The following HEBP2 variants were observed in gnomAD, a reference collection of about 807,000 sequenced individuals.
The protein encoded by HEBP2 is heme-binding protein 2.
A neutral mutation model predicts 23.1 loss-of-function variants in HEBP2; 27 were observed. The observed-to-expected ratio is 1.17, with a 90% CI of 0.86 to 1.61. The LOEUF is 1.61. Among genes scored for constraint, HEBP2 ranks in the 40% most tolerant of loss-of-function variants. The probability of loss-of-function intolerance (pLI) is 0.00; values close to 1 mark genes in which losing one functional copy is unlikely to be tolerated. For missense variants in HEBP2, 245 were observed against 253.8 expected (o/e 0.97, Z 0.24); for synonymous variants, 99 against 95.1 (o/e 1.04, Z -0.24).
In HEBP2 at chr6:138,405,156, T is replaced by C. The variant is rs1403742525; in HGVS notation, c.114T>C (p.Tyr38=). The C allele has an allele frequency of 4.3e-6, 7 of 1,611,166 alleles. No individual in the cohort carries two copies. Among genetic ancestry groups the C allele is most frequent in the Admixed American group, 1.7e-5 (1 of 59,132 alleles). ...PEDAGPQPGS[Y]EIRHYGPAKW... Reference sequence around the variant, plus strand: ...CTGTTCCACTTTAGCCCGGAAGTTATGAGATCCGACACTATGGACCAGCCA... The same window carrying C: ...CTGTTCCACTTTAGCCCGGAAGTTACGAGATCCGACACTATGGACCAGCCA... Residue 38 remains tyrosine, a synonymous_variant, in exon 2 of 4, where the codon TAT becomes TAC. Coordinates refer to ENST00000607197, the MANE Select transcript of HEBP2 (RefSeq NM_014320.3).
chr6:138,406,643 G>A (rs1285219569), intron 3 of HEBP2, among the ~76,000 whole-genome samples: 1 of 152,170 alleles, frequency 6.6e-6, no homozygotes. Context: ...CTCATGTGGT[G>A]GAAGAGGCAA....
At position 138,413,155 on chromosome 6, in the gene HEBP2, G is replaced by A; in HGVS notation, c.*77G>A. The A allele has an allele frequency of 9.0e-7, 1 of 1,113,556 alleles. No homozygotes were observed. Among genetic ancestry groups the A allele is most frequent in the Non-Finnish European group, 1.3e-6 (1 of 742,666 alleles). 69.0% of individuals were successfully genotyped at this position (1,113,556 alleles called of 1,614,324 possible). Reference sequence around the variant, plus strand: ...GACATCAACATGACCTATAAGTAAAGTGCGTGTCTAGTGTCTTCTATTGAG... The same window carrying A: ...GACATCAACATGACCTATAAGTAAAATGCGTGTCTAGTGTCTTCTATTGAG... On this transcript the variant is annotated 3_prime_UTR_variant, in exon 4 of 4. Transcript: ENST00000607197.
In HEBP2 at chr6:138,416,584, G is replaced by A. The variant is rs1774845745; in HGVS notation, c.*3506G>A. The A allele has an allele frequency of 6.6e-6, 1 of 152,324 alleles. No homozygotes were observed. The highest frequency in any genetic ancestry group is 6.5e-5 in the Admixed American group (1 of 15,292). 9.4% of individuals were successfully genotyped at this position (152,324 alleles called of 1,614,324 possible). On this transcript the variant is annotated 3_prime_UTR_variant, in exon 4 of 4. Transcript: ENST00000607197. Reference sequence around the variant, plus strand: ...AACTTCACTTGCTGAGAGCAATGTGGATGATGATGAGACCTTGAAGAGCCC... The same window carrying A: ...AACTTCACTTGCTGAGAGCAATGTGAATGATGATGAGACCTTGAAGAGCCC...
In HEBP2 at chr6:138,413,007, G is replaced by A. The variant is rs754888558; in HGVS notation, c.547G>A (p.Val183Ile). The stretch of plus-strand genomic sequence containing the variant: ...CTACACTGCAGGCTACAACAGTCCT[G>A]TCAAATTGCTTAATAGAAATAATGA... ...VYYTAGYNSPVKLLNRNNEVW... is the reference protein window; with the variant it reads ...VYYTAGYNSPIKLLNRNNEVW... Residue 183 changes from valine to isoleucine, a missense_variant, in exon 4 of 4, where the codon GTC becomes ATC. By Grantham distance (29) the Val-to-Ile change is conservative. Transcript: ENST00000607197. The A allele has an allele frequency of 5.6e-6, 9 of 1,613,896 alleles. No individual in the cohort carries two copies. In the East Asian group the frequency reaches 1.6e-4, roughly 28 times the overall value.
chr6:138,415,691 G>C lies in HEBP2; in HGVS notation c.*2613G>C, dbSNP rs1034073640. On this transcript the variant is annotated 3_prime_UTR_variant, in exon 4 of 4. Coordinates refer to ENST00000607197, the MANE Select transcript of HEBP2 (RefSeq NM_014320.3). ...CCAAGCACAGGATTTGATGGTAAAA[G>C]TAGCTAACAGCCAACAAATACTCAA... 6.6e-6 allele frequency: 1 copy of C among 152,182 alleles called. No homozygotes were observed. Among genetic ancestry groups the C allele is most frequent in the Non-Finnish European group, 1.5e-5 (1 of 68,038 alleles). The allele number at this position is 152,182 out of a possible 1,614,324, so 9.4% of individuals were successfully genotyped here.
In HEBP2 at chr6:138,415,579, CAAAA is replaced by C. The variant is rs904204723; in HGVS notation, c.*2502_*2505del. ...TGAAAAGCTGAGGTCAATTAACAAA[CAAAA>C]CTAAGTGTGAGCCGCAGAGTCTCTG... On this transcript the variant is annotated 3_prime_UTR_variant, in exon 4 of 4. Transcript: ENST00000607197. 2.0e-5 allele frequency: 3 copies of C among 152,066 alleles called. No homozygotes were observed. Among genetic ancestry groups the C allele is most frequent in the African/African-American group, 4.8e-5 (2 of 41,366 alleles). 9.4% of individuals were successfully genotyped at this position (152,066 alleles called of 1,614,324 possible). A position where few individuals can be genotyped will look rare whatever the true frequency, so the allele number is the denominator to read the frequency against.
At chr6:138,412,756 G>A in intron 3 of HEBP2, 124 bp from the exon 4 acceptor site, 1 of 804,476 alleles carries the variant, frequency 1.2e-6, no homozygotes, top group Non-Finnish European at 2.0e-6. Context: ...GCCTGGCCGA[G>A]AGGGAGTAAC....
chr6:138,413,346 C>G lies in HEBP2; in HGVS notation c.*268C>G. ...TCTAGGGAAATTTCATGTCACTTCC[C>G]TCCTTCACTGCATCACAATCATATT... On this transcript the variant is annotated 3_prime_UTR_variant, in exon 4 of 4. Transcript: ENST00000607197. 2 of 342,998 alleles carry G rather than the reference C, an allele frequency of 5.8e-6. No homozygotes were observed. Among genetic ancestry groups the G allele is most frequent in the South Asian group, 9.3e-5 (2 of 21,508 alleles). 21.2% of individuals were successfully genotyped at this position (342,998 alleles called of 1,614,324 possible). A position where few individuals can be genotyped will look rare whatever the true frequency, so the allele number is the denominator to read the frequency against.
chr6:138,409,243 T>G (rs1277578675), intron 3 of HEBP2, among the ~76,000 whole-genome samples: 1 of 152,164 alleles, frequency 6.6e-6, no homozygotes, highest in Non-Finnish European at 1.5e-5. Context: ...CTTGAACTCC[T>G]GGGCTCAAGC....
chr6:138,404,660 A>T, intron 1 of HEBP2, 63 bp downstream of exon 1: 4 of 1,037,464 alleles, frequency 3.9e-6, no homozygotes, highest in Non-Finnish European at 5.0e-6. Context: ...CAGTGAGGCC[A>T]GCGGGTCCCA....
At chr6:138,412,039 T>C (rs1346893650) in intron 3 of HEBP2, 2 of 448,316 alleles carry the variant, frequency 4.5e-6, no homozygotes, top group Non-Finnish European at 8.9e-6. Context: ...AGGTGAAAAC[T>C]GTATCATATT....
At position 138,413,345 on chromosome 6, in the gene HEBP2, C is replaced by T. The variant is rs144698153; in HGVS notation, c.*267C>T. The T allele has an allele frequency of 3.5e-5, 12 of 344,634 alleles. No individual in the cohort carries two copies. The East Asian group carries it at 6.6e-4, about 19-fold the overall frequency. 21.3% of individuals were successfully genotyped at this position (344,634 alleles called of 1,614,324 possible). On this transcript the variant is annotated 3_prime_UTR_variant, in exon 4 of 4. Coordinates refer to ENST00000607197, the MANE Select transcript of HEBP2 (RefSeq NM_014320.3). ...ATCTAGGGAAATTTCATGTCACTTC[C>T]CTCCTTCACTGCATCACAATCATAT... is the stretch of plus-strand genomic sequence containing the variant.
Position 138,419,208 on chromosome 6 carries a change from A to C in HEBP2, c.*6130A>C, listed in dbSNP as rs983824677. On this transcript the variant is annotated 3_prime_UTR_variant, in exon 4 of 4. Transcript: ENST00000607197. ...CACCAACATGGGCTCCCACTTACCA[A>C]GGCCAACTTAGACACTGCTCACTGT... The C allele has an allele frequency of 2.6e-5, 4 of 152,212 alleles. No individual in the cohort carries two copies. In the South Asian group the frequency reaches 8.3e-4, roughly 32 times the overall value. The allele number at this position is 152,212 out of a possible 1,614,324, so 9.4% of individuals were successfully genotyped here. A position where few individuals can be genotyped will look rare whatever the true frequency, so the allele number is the denominator to read the frequency against.
Position 138,406,122 on chromosome 6 carries a change from A to C in HEBP2, c.390A>C (p.Glu130Asp). The C allele has an allele frequency of 6.2e-7, 1 of 1,614,072 alleles. No homozygotes were observed. Among genetic ancestry groups the C allele is most frequent in the South Asian group, 1.1e-5 (1 of 91,038 alleles). ...CTTTAGAGTCAGATGTCTTCATTGAAGATAGAGCCGAAATGACTGTGTTTG... is the reference window on the plus strand; with the variant it reads ...CTTTAGAGTCAGATGTCTTCATTGACGATAGAGCCGAAATGACTGTGTTTG... ...PRPLESDVFIEDRAEMTVFVR... is the reference protein window; with the variant it reads ...PRPLESDVFIDDRAEMTVFVR... The change falls in exon 3 of 4, where the codon GAA (glutamate) becomes GAC (aspartate). Residue 130 changes from glutamate (E) to aspartate (D), a missense_variant. By Grantham distance (45) the Glu-to-Asp change is conservative (BLOSUM62 2). Transcript: ENST00000607197.
chr6:138,418,773 G>T lies in HEBP2; in HGVS notation c.*5695G>T, dbSNP rs1774875321. Reference sequence around the variant, plus strand: ...GCTGAAAATGGACCTTCACTCAAAGGTGACATTGAAAAACGGGAAAAAAAT... The same window carrying T: ...GCTGAAAATGGACCTTCACTCAAAGTTGACATTGAAAAACGGGAAAAAAAT... On this transcript the variant is annotated 3_prime_UTR_variant, in exon 4 of 4. Coordinates refer to ENST00000607197, the MANE Select transcript of HEBP2 (RefSeq NM_014320.3). The T allele has an allele frequency of 6.6e-6, 1 of 152,124 alleles. No homozygotes were observed. Among genetic ancestry groups the T allele is most frequent in the African/African-American group, 2.4e-5 (1 of 41,404 alleles). 9.4% of individuals were successfully genotyped at this position (152,124 alleles called of 1,614,324 possible).
intron 3 of HEBP2, chr6:138,412,051 A>G (rs527534722): frequency 2.2e-5 from 10 of 449,794 alleles, no homozygotes; most frequent in African/African-American, 1.2e-4. Flanking sequence ...TATCATATTC[A>G]TCTGTAATCC....
upstream of HEBP2, chr6:138,403,640 C>T (rs1774575907): frequency 2.3e-6 from 1 of 433,478 alleles, no homozygotes; most frequent in Non-Finnish European, 4.1e-6. Context: ...TCGGCCTGGC[C>T]GGCGGAAAGG....
intron 3 of HEBP2, among the ~76,000 whole-genome samples, chr6:138,411,670 C>T (rs975351504): frequency 2.6e-5 from 4 of 152,224 alleles, no homozygotes; most frequent in Admixed American, 2.6e-4. Flanking sequence ...TAAAACCCTT[C>T]TCAGAGGCCG....
rs950498116 is a variant in HEBP2 at position 138,416,307 on chromosome 6, A to G, written c.*3229A>G. 1 of 152,322 alleles carries G rather than the reference A, an allele frequency of 6.6e-6. No individual in the cohort carries two copies. Among genetic ancestry groups the G allele is most frequent in the Non-Finnish European group, 1.5e-5 (1 of 68,108 alleles). 9.4% of individuals were successfully genotyped at this position (152,322 alleles called of 1,614,324 possible). The stretch of plus-strand genomic sequence containing the variant: ...TAGAAGCCTAGAAAGAGTGATCAAA[A>G]TGTTGAAATGCCTGAATGGCTGGGA... On this transcript the variant is annotated 3_prime_UTR_variant, in exon 4 of 4. Coordinates refer to ENST00000607197, the MANE Select transcript of HEBP2 (RefSeq NM_014320.3).
Sources: gnomAD v4.1 joint callset for allele counts (sites outside exome capture counted in the v4.1 genomes callset) on GRCh38, gnomAD v4.1.1 for gene constraint, MANE v1.5 for transcripts, NCBI Gene and HGNC (gene_info 2026-07-23, HGNC 2026-07-21) for gene names.